IKZF1: variants seen among roughly 807,000 people sequenced by gnomAD.
The protein encoded by IKZF1 is IKAROS family zinc finger 1, also known as DNA-binding protein Ikaros.
IKZF1 carries 10 observed loss-of-function variants against 51.7 expected under a neutral mutation model. The observed-to-expected ratio is 0.19, with a 90% CI of 0.12 to 0.33. The LOEUF is 0.33. Among genes scored for constraint, IKZF1 ranks in the 10% least tolerant of loss-of-function variants. The probability of loss-of-function intolerance (pLI) is 1.00; values close to 1 mark genes in which losing one functional copy is unlikely to be tolerated. For missense variants in IKZF1, 484 were observed against 707.5 expected, an observed-to-expected ratio of 0.68 and a Z score of 3.58; for synonymous variants, 280 against 282.3, an observed-to-expected ratio of 0.99 and a Z score of 0.08.
intron 3 of IKZF1, among the ~76,000 whole-genome samples, chr7:50,340,892 T>C (rs1382373206): frequency 7.2e-5 from 11 of 152,256 alleles, no homozygotes; most frequent in African/African-American, 2.7e-4. Flanking sequence ...GGAGTTGTTT[T>C]TGTCACTGTA....
At chr7:50,387,754 G>T (rs1051029128) in intron 6 of IKZF1, among the ~76,000 whole-genome samples, 6 of 151,892 alleles carry the variant, frequency 4.0e-5, no homozygotes, top group Admixed American at 6.6e-5. Flanking sequence ...AAAGTTTTGG[G>T]GTTGTTTTTT....
intron 1 of IKZF1, chr7:50,318,499 C>G (rs1442696099): frequency 8.8e-6 from 2 of 226,924 alleles, no homozygotes; most frequent in East Asian, 1.3e-4. Flanking sequence ...GCCCATCTGC[C>G]AGGCTGGAGG....
rs755747871 is a variant in IKZF1, at chr7:50,372,294, G to A, written c.161-4239G>A. Among the ~76,000 whole-genome samples, 6 of 152,172 alleles carry A rather than the reference G, an allele frequency of 3.9e-5. No homozygotes were observed. In the East Asian group the frequency reaches 7.7e-4, roughly 20 times the overall value. Reference sequence around the variant, plus strand: ...TTAACCCCATTTACGGGAAATCCACGCACTGCTTGAATCTTACGCGCCCCG... The same window carrying A: ...TTAACCCCATTTACGGGAAATCCACACACTGCTTGAATCTTACGCGCCCCG... On this transcript the variant is annotated intron_variant, in intron 3 of 7. Coordinates refer to ENST00000331340, the MANE Select transcript of IKZF1 (RefSeq NM_006060.6).
At chr7:50,341,968 A>T (rs1431862043) in intron 3 of IKZF1, among the ~76,000 whole-genome samples, 23 of 151,650 alleles carry the variant, frequency 1.5e-4, no homozygotes, top group Non-Finnish European at 2.9e-4. Context: ...GTGTGTCATT[A>T]TATTGTGGAA....
At chr7:50,359,122 A>G (rs1804437678) in intron 3 of IKZF1, among the ~76,000 whole-genome samples, 1 of 152,132 alleles carries the variant, frequency 6.6e-6, no homozygotes, top group Non-Finnish European at 1.5e-5. Context: ...TTAGCTGGGC[A>G]TGGTGGCATA....
At chr7:50,327,803 CTT>C (rs1324764454) in intron 3 of IKZF1, 46 bp downstream of exon 3, 1 of 1,534,336 alleles carries the variant, frequency 6.5e-7, no homozygotes, top group Non-Finnish European at 8.8e-7. Flanking sequence ...ACCTTTATCT[CTT>C]TGTATTTTTC....
chr7:50,304,180 CAA>C (rs1383284437), upstream of IKZF1: 1 of 149,708 alleles, frequency 6.7e-6, no homozygotes, highest in Non-Finnish European at 1.5e-5. Flanking sequence ...GGCGCGATTG[CAA>C]AGTTTTCGTG....
chr7:50,370,083 A>T (rs941242854), intron 3 of IKZF1, among the ~76,000 whole-genome samples: 2 of 152,190 alleles, frequency 1.3e-5, no homozygotes, highest in Non-Finnish European at 2.9e-5. Context: ...TTTCCATTTC[A>T]TTTGATTTTT....
chr7:50,400,753 A>G lies in IKZF1; in HGVS notation c.*126A>G, dbSNP rs1208027008. The G allele has an allele frequency of 7.9e-7, 1 of 1,260,648 alleles. No individual in the cohort carries two copies. The highest frequency in any genetic ancestry group is 1.5e-5 in the African/African-American group (1 of 65,632). The allele number at this position is 1,260,648 out of a possible 1,614,324, so 78.1% of individuals were successfully genotyped here. A position where few individuals can be genotyped will look rare whatever the true frequency, so the allele number is the denominator to read the frequency against. ...AGACAATGTTGTGTTTGGATTTGTA[A>G]CTGTTTTTTGTTTTTTGTTTGAGTT... On this transcript the variant is annotated 3_prime_UTR_variant, in exon 8 of 8. Coordinates refer to ENST00000331340, the MANE Select transcript of IKZF1 (RefSeq NM_006060.6). The surrounding 1 kb of genome is among the most constrained non-coding windows in gnomAD (Gnocchi z 5.4).
At chr7:50,339,429 T>C (rs1798553528) in intron 3 of IKZF1, among the ~76,000 whole-genome samples, 1 of 152,108 alleles carries the variant, frequency 6.6e-6, no homozygotes, top group African/African-American at 2.4e-5. Context: ...ATCTTTAGCA[T>C]TTAGTTTGGT....
chr7:50,318,415 C>T (rs1284178176), intron 1 of IKZF1: 14 of 229,152 alleles, frequency 6.1e-5, no homozygotes, highest in Admixed American at 2.3e-4. Context: ...CACTTCTCCC[C>T]GTGTAAGAGT....
In IKZF1 at chr7:50,400,319, A is replaced by G. The variant is rs759551381; in HGVS notation, c.1252A>G (p.Ile418Val). The stretch of plus-strand genomic sequence containing the variant: ...CGGTCTCATCTACCTGACCAACCAC[A>G]TCGCCCCGCACGCGCGCAACGGGCT... The part of the protein sequence containing the change: ...RSGLIYLTNH[I>V]APHARNGLSL... Residue 418 changes from isoleucine (I) to valine (V), a missense_variant, in exon 8 of 8, where the codon ATC becomes GTC. Ile to Val is a conservative substitution (Grantham distance 29). This residue lies in a region of IKZF1 where 72 missense variants were observed against 67.5 expected (regional missense o/e 1.07). Transcript: ENST00000331340. The surrounding 1 kb of genome is among the most constrained non-coding windows in gnomAD (Gnocchi z 5.4). 2 of 1,612,702 alleles carry G rather than the reference A, an allele frequency of 1.2e-6. No homozygotes were observed. Among genetic ancestry groups the G allele is most frequent in the Admixed American group, 3.3e-5 (2 of 59,984 alleles).
At position 50,376,030 on chromosome 7, in the gene IKZF1, G is replaced by T. The variant is rs1233586366; in HGVS notation, c.161-503G>T. 6.6e-6 allele frequency among the ~76,000 whole-genome samples: 1 copy of T among 152,210 alleles called. No homozygotes were observed. Among genetic ancestry groups the T allele is most frequent in the Non-Finnish European group, 1.5e-5 (1 of 68,036 alleles). The stretch of plus-strand genomic sequence containing the variant: ...TTAATGTTTACATGCCACAAGGAAA[G>T]GTAGCATCACAATAAGAGACGTTTT... On this transcript the variant is annotated intron_variant, in intron 3 of 7. Transcript: ENST00000331340. The surrounding 1 kb of genome is among the most constrained non-coding windows in gnomAD (Gnocchi z 4.5).
At chr7:50,382,287 T>C (rs536220190) in intron 4 of IKZF1, among the ~76,000 whole-genome samples, 1 of 152,360 alleles carries the variant, frequency 6.6e-6, no homozygotes, top group Admixed American at 6.5e-5. Context: ...AGTCACTTTA[T>C]TTAAATGAGT....
At chr7:50,339,543 G>A (rs913022546) in intron 3 of IKZF1, among the ~76,000 whole-genome samples, 6 of 152,036 alleles carry the variant, frequency 3.9e-5, no homozygotes, top group Non-Finnish European at 8.8e-5. Flanking sequence ...GAGGTCAGGA[G>A]TTTGAGACCA....
At position 50,357,884 on chromosome 7, in the gene IKZF1, G is replaced by A. The variant is rs192154378; in HGVS notation, c.161-18649G>A. Among the ~76,000 whole-genome samples the A allele has an allele frequency of 7.2e-5, 11 of 152,310 alleles. No homozygotes were observed. In the East Asian group the frequency reaches 2.1e-3, roughly 29 times the overall value. On this transcript the variant is annotated intron_variant, in intron 3 of 7. Transcript: ENST00000331340. Reference sequence around the variant, plus strand: ...ACTTTTCTTTTCTACTGTCTTACCTGGTCTTAGGCAGGTCGGGTGACCATC... The same window carrying A: ...ACTTTTCTTTTCTACTGTCTTACCTAGTCTTAGGCAGGTCGGGTGACCATC...
intron 2 of IKZF1, among the ~76,000 whole-genome samples, chr7:50,322,150 T>C (rs1013293823): frequency 1.1e-4 from 16 of 152,228 alleles, no homozygotes; most frequent in African/African-American, 3.9e-4. Flanking sequence ...TATTTGTTTT[T>C]TTCATTTCTA....
intron 1 of IKZF1, among the ~76,000 whole-genome samples, chr7:50,315,128 A>G (rs1334395283): frequency 1.3e-5 from 2 of 152,242 alleles, no homozygotes; most frequent in Non-Finnish European, 2.9e-5. Flanking sequence ...ATATGCTAAT[A>G]GTTTCCAACT....
chr7:50,392,012 T>A, intron 7 of IKZF1, 149 bp downstream of exon 7: 1 of 1,206,046 alleles, frequency 8.3e-7, no homozygotes, highest in East Asian at 2.6e-5. Flanking sequence ...TTAAATATCT[T>A]AGAATTTTTT....
Sources: gnomAD v4.1 joint callset for allele counts (sites outside exome capture counted in the v4.1 genomes callset) on GRCh38, gnomAD v4.1.1 for gene constraint, gnomAD v4.1.1 regional missense constraint, Gnocchi (gnomAD v3.1) non-coding constraint, MANE v1.5 for transcripts, NCBI Gene and HGNC (gene_info 2026-07-23, HGNC 2026-07-21) for gene names.